Variants in LY9 observed in about 807,000 individuals in gnomAD.
LY9 encodes the protein T-lymphocyte surface antigen Ly-9.
In LY9, 59 loss-of-function variants were observed where a neutral mutation model predicts 64.6. That is an observed-to-expected ratio of 0.91 (90% CI 0.74 to 1.13). The LOEUF (loss-of-function observed/expected upper bound fraction) is 1.13. Ranked by LOEUF, LY9 falls within the 50% of genes most tolerant of loss-of-function variation. The pLI is 0.00. For synonymous variants in LY9, 281 were observed against 308.5 expected (o/e 0.91, Z 0.93); for missense variants, 789 against 797.2 (o/e 0.99, Z 0.12).
In LY9 at chr1:160,823,525, C is replaced by G; in HGVS notation, c.1559C>G (p.Thr520Ser). ...VLSQGYEKLD[T>S]PLRPARQQPT... The stretch of plus-strand genomic sequence containing the variant: ...TCCCAAGGATATGAGAAGCTGGACA[C>G]TCCCCTCAGGCCTGCCAGGCAACAG... The change falls in exon 8 of 10, where the codon ACT becomes AGT. Residue 520 changes from threonine (T) to serine (S), a missense_variant. Physicochemically the swap from Thr to Ser is moderately conservative, Grantham distance 58 (BLOSUM62 1). Coordinates refer to ENST00000263285, the MANE Select transcript of LY9 (RefSeq NM_002348.4). 1 of 1,614,200 alleles carries G rather than the reference C, an allele frequency of 6.2e-7. No homozygotes were observed. The highest frequency in any genetic ancestry group is 8.5e-7 in the Non-Finnish European group (1 of 1,180,030).
In LY9 at chr1:160,808,428, G is replaced by A. The variant is rs2101774117; in HGVS notation, c.455-5208G>A. 2.0e-5 allele frequency among the ~76,000 whole-genome samples: 3 copies of A among 152,312 alleles called. No homozygotes were observed. In the South Asian group the frequency reaches 6.2e-4, roughly 32 times the overall value. ...TATAACTGCAGAGGTCTCAGAAAGA[G>A]TATGGAACCCAGCAGGAGCTCCCTC... On this transcript the variant is annotated intron_variant, in intron 2 of 9. Coordinates refer to ENST00000263285, the MANE Select transcript of LY9 (RefSeq NM_002348.4).
At chr1:160,801,748 T>C (rs755880081) in intron 2 of LY9, 2 of 1,489,290 alleles carry the variant, frequency 1.3e-6, no homozygotes, top group Non-Finnish European at 1.9e-6. Flanking sequence ...GAAATAGGGG[T>C]TCAACTTCAT....
chr1:160,813,525 G>T, intron 2 of LY9, 111 bp from the exon 3 acceptor site: 1 of 1,055,554 alleles, frequency 9.5e-7, no homozygotes, highest in Non-Finnish European at 1.4e-6. Context: ...GACAGGTAAC[G>T]CTGGCCTCTC....
intron 7 of LY9, among the ~76,000 whole-genome samples, chr1:160,820,891 G>A (rs1481297263): frequency 4.0e-5 from 6 of 148,680 alleles, no homozygotes; most frequent in Admixed American, 1.3e-4. Flanking sequence ...GGTGGCTCAC[G>A]CCTATAATCC....
chr1:160,821,037 C>T (rs1668389045), intron 7 of LY9, among the ~76,000 whole-genome samples: 1 of 150,784 alleles, frequency 6.6e-6, no homozygotes, highest in South Asian at 2.1e-4. Flanking sequence ...CCTGTAATCC[C>T]AGCTACTCTG....
intron 7 of LY9, among the ~76,000 whole-genome samples, chr1:160,820,622 C>T (rs1247976951): frequency 6.6e-6 from 1 of 152,018 alleles, no homozygotes; most frequent in Non-Finnish European, 1.5e-5. Flanking sequence ...TCACTACTGA[C>T]AGGACAGAGC....
chr1:160,814,114 G>T (rs969590018), intron 3 of LY9, among the ~76,000 whole-genome samples: 2 of 152,230 alleles, frequency 1.3e-5, no homozygotes, highest in African/African-American at 4.8e-5. Flanking sequence ...ATACTCTAAG[G>T]TTAGAGCAAG....
chr1:160,821,502 T>C (rs757637243), intron 7 of LY9, among the ~76,000 whole-genome samples: 35 of 152,244 alleles, frequency 2.3e-4, no homozygotes, highest in Non-Finnish European at 4.3e-4. Context: ...ACTTTACCAG[T>C]CCTTATTAAC....
intron 2 of LY9, among the ~76,000 whole-genome samples, chr1:160,804,319 G>A (rs976121637): frequency 6.6e-6 from 1 of 152,034 alleles, no homozygotes; most frequent in African/African-American, 2.4e-5. Flanking sequence ...ACTGTATCAA[G>A]TGCTCTTTCT....
At chr1:160,797,378 C>A (rs7555175) in intron 1 of LY9, 247,884 of 713,450 alleles carry the variant, frequency 0.35, 44,570 homozygotes, top group Non-Finnish European at 0.37. Context: ...GGAGCCTAGA[C>A]CTCAGAGCTG....
chr1:160,800,046 G>C lies in LY9; in HGVS notation c.418G>C (p.Val140Leu), dbSNP rs950224211. The C allele has an allele frequency of 2.5e-6, 4 of 1,614,166 alleles. No individual in the cohort carries two copies. Among genetic ancestry groups the C allele is most frequent in the Non-Finnish European group, 3.4e-6 (4 of 1,180,004 alleles). Residue 140 changes from valine (V) to leucine (L), a missense_variant, in exon 2 of 10, where the codon GTC (valine) becomes CTC (leucine). Transcript: ENST00000263285. ...CCAGATAAACCAAAGGAATTTTGAA[G>C]TCACCACTGAGGAGGAATTCACCCT... ...KAQINQRNFE[V>L]TTEEEFTLFV...
At chr1:160,806,823 G>A (rs1667030387) in intron 2 of LY9, among the ~76,000 whole-genome samples, 1 of 152,108 alleles carries the variant, frequency 6.6e-6, no homozygotes, top group Non-Finnish European at 1.5e-5. Flanking sequence ...TTTCTAATCA[G>A]CTCTTTGTCT....
chr1:160,824,767 C>T (rs1471438272), intron 9 of LY9: 1 of 375,290 alleles, frequency 2.7e-6, no homozygotes, highest in East Asian at 1.7e-4. Flanking sequence ...ATCACAAGGT[C>T]AGGAGATGGA....
intron 9 of LY9, among the ~76,000 whole-genome samples, chr1:160,826,788 T>C (rs148502375): frequency 4.6e-5 from 7 of 152,302 alleles, no homozygotes; most frequent in Admixed American, 6.5e-5. Context: ...GTCTAATGCT[T>C]AGCCAGCTAG....
chr1:160,811,057 C>T (rs1435939966), intron 2 of LY9: 1 of 152,276 alleles, frequency 6.6e-6, no homozygotes, highest in South Asian at 2.1e-4. Flanking sequence ...AGTAGCAGCC[C>T]CACCTCCTTG....
At chr1:160,823,405 C>T in intron 7 of LY9, 60 bp from the exon 8 acceptor site, 1 of 1,353,656 alleles carries the variant, frequency 7.4e-7, no homozygotes, top group Non-Finnish European at 1.0e-6. Context: ...GGCCTTGCAG[C>T]AAAGCAAGAA....
At chr1:160,818,751 A>T (rs550589177) in intron 6 of LY9, among the ~76,000 whole-genome samples, 10 of 152,252 alleles carry the variant, frequency 6.6e-5, no homozygotes, top group African/African-American at 2.4e-4. Flanking sequence ...AGTGTACCAC[A>T]ACACAACAGC....
chr1:160,809,650 AC>A (rs1271450453), intron 2 of LY9: 4 of 151,670 alleles, frequency 2.6e-5, no homozygotes, highest in Non-Finnish European at 5.9e-5. Context: ...GCACCACTGC[AC>A]CTAGCTTAGT....
At chr1:160,800,796 AT>A in intron 2 of LY9, among the ~76,000 whole-genome samples, 1 of 152,026 alleles carries the variant, frequency 6.6e-6, no homozygotes. Flanking sequence ...AACGTGTGGT[AT>A]TTTACTTTCT....
Sources: allele counts gnomAD v4.1 joint callset (sites outside exome capture counted in the v4.1 genomes callset), GRCh38; gene constraint gnomAD v4.1.1; transcripts MANE v1.5; gene names NCBI Gene and HGNC (gene_info 2026-07-23, HGNC 2026-07-21).